ZFHX3: variants seen among roughly 807,000 people sequenced by gnomAD.
The protein encoded by ZFHX3 is zinc finger homeobox 3.
In ZFHX3, 42 loss-of-function variants were observed where a neutral mutation model predicts 279.1. The ratio of observed to expected loss-of-function variants is 0.15; its 90% CI spans 0.12 to 0.19. ZFHX3 has a LOEUF of 0.19. Ranked by LOEUF, ZFHX3 falls within the 10% of genes least tolerant of loss-of-function variation. The pLI is 1.00. For missense variants in ZFHX3, 4,981 were observed against 4,754.0 expected (o/e 1.05, Z -1.40); for synonymous variants, 2,293 against 1,957.8 (o/e 1.17, Z -4.52).
At chr16:73,756,360 A>G (rs143811383) in intron 1 of ZFHX3, among the ~76,000 whole-genome samples, 1,786 of 152,314 alleles carry the variant, frequency 0.012, 18 homozygotes, top group South Asian at 0.027. Context: ...GCTACTCTCA[A>G]TGGAATGACT....
chr16:72,803,203 A>T (rs952385474), intron 7 of ZFHX3, among the ~76,000 whole-genome samples: 9 of 152,114 alleles, frequency 5.9e-5, no homozygotes, highest in African/African-American at 2.2e-4. Context: ...GTGGTGGCTC[A>T]TGCCTGTAGT....
chr16:73,731,581 T>C (rs1440931313), intron 1 of ZFHX3, among the ~76,000 whole-genome samples: 2 of 152,062 alleles, frequency 1.3e-5, no homozygotes, highest in African/African-American at 4.8e-5. Context: ...AAAGTAACTA[T>C]AGTGTTTTTT....
intron 3 of ZFHX3, among the ~76,000 whole-genome samples, chr16:72,923,871 C>T (rs146223664): frequency 1.3e-5 from 2 of 152,344 alleles, no homozygotes; most frequent in East Asian, 1.9e-4. Context: ...CGTCCTACCA[C>T]GTTCAAGACG....
At chr16:73,728,740 G>A (rs374223009) in intron 1 of ZFHX3, among the ~76,000 whole-genome samples, 3 of 151,806 alleles carry the variant, frequency 2.0e-5, no homozygotes, top group Non-Finnish European at 1.5e-5. Flanking sequence ...CCCTGCCTCT[G>A]CTTGAAAGTT....
At chr16:72,911,390 C>T (rs771441258) in intron 3 of ZFHX3, among the ~76,000 whole-genome samples, 25 of 152,300 alleles carry the variant, frequency 1.6e-4, no homozygotes, top group African/African-American at 4.8e-4. Flanking sequence ...ATGAATGAAG[C>T]GCTCAGTGAC....
Position 73,297,081 on chromosome 16 carries a change from G to T in ZFHX3, c.-1194+21159C>A, listed in dbSNP as rs183972231. ...TTTAGTAGAGACAGGGTTTCACCGTGTTAGCCAGGATGGTCTCGATCCCCT... is the reference window on the plus strand; with the variant it reads ...TTTAGTAGAGACAGGGTTTCACCGTTTTAGCCAGGATGGTCTCGATCCCCT... On this transcript the variant is annotated intron_variant, in intron 4 of 17. Transcript: ENST00000641206. Among the ~76,000 whole-genome samples, 39 of 151,756 alleles carry T rather than the reference G, an allele frequency of 2.6e-4. 1 individual carries two copies. In the East Asian group the frequency reaches 5.8e-3, roughly 23 times the overall value.
intron 2 of ZFHX3, among the ~76,000 whole-genome samples, chr16:73,572,131 C>A (rs911766955): frequency 6.8e-6 from 1 of 148,030 alleles, no homozygotes; most frequent in African/African-American, 2.5e-5. Flanking sequence ...GAAAAGTCAA[C>A]CGAAAGCATC....
At chr16:73,781,590 A>C (rs1190435543) in intron 1 of ZFHX3, among the ~76,000 whole-genome samples, 1 of 152,212 alleles carries the variant, frequency 6.6e-6, no homozygotes, top group Admixed American at 6.5e-5. Flanking sequence ...AATATTTACT[A>C]CTGGGTCCTT....
At chr16:72,837,674 C>T (rs7198782) in intron 4 of ZFHX3, among the ~76,000 whole-genome samples, 13,981 of 148,058 alleles carry the variant, frequency 0.094, 1,504 homozygotes, top group East Asian at 0.27. Context: ...CTATGTTGCC[C>T]AGGCTGGTCT....
chr16:72,907,545 T>TTGTA (rs1555529279), intron 3 of ZFHX3, among the ~76,000 whole-genome samples: 2 of 120,404 alleles, frequency 1.7e-5, no homozygotes, highest in African/African-American at 6.4e-5. Flanking sequence ...TTTCCTCTAT[T>TTGTA]TGTGTGTGTG....
At chr16:73,805,424 CT>C (rs1385860969) in intron 1 of ZFHX3, among the ~76,000 whole-genome samples, 1 of 152,172 alleles carries the variant, frequency 6.6e-6, no homozygotes, top group Non-Finnish European at 1.5e-5. Flanking sequence ...CTGCCTCTGC[CT>C]CCCAAAGTGC....
At chr16:73,562,716 CA>C (rs77821849) in intron 2 of ZFHX3, among the ~76,000 whole-genome samples, 98 of 135,336 alleles carry the variant, frequency 7.2e-4, no homozygotes, top group East Asian at 1.3e-3. Flanking sequence ...TTGAGAGGGT[CA>C]AAAAAAAAAA....
chr16:73,190,645 C>G (rs964502472), intron 5 of ZFHX3, among the ~76,000 whole-genome samples: 8 of 152,230 alleles, frequency 5.3e-5, no homozygotes, highest in African/African-American at 1.9e-4. Context: ...GTTCACTTTT[C>G]TGTCTCCATT....
intron 2 of ZFHX3, among the ~76,000 whole-genome samples, chr16:73,484,153 C>G (rs752364543): frequency 1.5e-4 from 23 of 151,984 alleles, no homozygotes; most frequent in Admixed American, 4.6e-4. Context: ...ACTTCCCGCC[C>G]AGAGTCCTAG....
At chr16:72,952,014 G>A (rs753683899) in intron 2 of ZFHX3, among the ~76,000 whole-genome samples, 27 of 152,198 alleles carry the variant, frequency 1.8e-4, no homozygotes, top group Admixed American at 3.9e-4. Context: ...ACTTTAGGAG[G>A]CCAAGGCAGG....
At chr16:73,823,207 T>C (rs1960800580) in intron 1 of ZFHX3, among the ~76,000 whole-genome samples, 2 of 152,138 alleles carry the variant, frequency 1.3e-5, no homozygotes, top group Admixed American at 6.5e-5. Flanking sequence ...AAAGCTTAAG[T>C]AGGCTAAGAC....
chr16:72,787,253 G>A lies in ZFHX3; in HGVS notation c.11023C>T (p.Pro3675Ser), dbSNP rs141983735. The A allele has an allele frequency of 2.5e-6, 4 of 1,614,056 alleles. No individual in the cohort carries two copies. The African/African-American group carries it at 4.0e-5, about 16-fold the overall frequency. ...DTDLSQKSDGPASPVEGPKDP... is the reference protein window; with the variant it reads ...DTDLSQKSDGSASPVEGPKDP... Reference sequence around the variant, plus strand: ...TTGGGACCCTCCACCGGGCTCGCCGGTCCGTCGGACTTTTGGCTGAGATCC... The same window carrying A: ...TTGGGACCCTCCACCGGGCTCGCCGATCCGTCGGACTTTTGGCTGAGATCC... Residue 3675 changes from proline to serine, a missense_variant, in exon 10 of 10, where the codon CCG becomes TCG. By Grantham distance (74) the Pro-to-Ser change is moderately conservative. This residue lies in a region of ZFHX3 where 1,034 missense variants were observed against 786.0 expected (regional missense o/e 1.32). Transcript: ENST00000268489.
chr16:72,939,482 G>A (rs549613790), intron 3 of ZFHX3, among the ~76,000 whole-genome samples: 2 of 152,304 alleles, frequency 1.3e-5, no homozygotes, highest in South Asian at 2.1e-4. Context: ...CTTCAGTAGC[G>A]CCAACAGGCA....
intron 2 of ZFHX3, among the ~76,000 whole-genome samples, chr16:73,478,985 G>T (rs1026027961): frequency 6.6e-6 from 1 of 152,194 alleles, no homozygotes; most frequent in Admixed American, 6.5e-5. Context: ...CCGGGAGGCA[G>T]ATGTTGCAGT....
Sources: gnomAD v4.1 joint callset for allele counts (sites outside exome capture counted in the v4.1 genomes callset) on GRCh38, gnomAD v4.1.1 for gene constraint, gnomAD v4.1.1 regional missense constraint, MANE v1.5 for transcripts, NCBI Gene and HGNC (gene_info 2026-07-23, HGNC 2026-07-21) for gene names.